Variants in KLHL24 observed in about 807,000 individuals in gnomAD.
The protein encoded by KLHL24 is kelch like family member 24, also known as kelch-like protein 24.
In KLHL24, 29 loss-of-function variants were observed where a neutral mutation model predicts 53.4. That is an observed-to-expected ratio of 0.54 (90% CI 0.40 to 0.74). The LOEUF (loss-of-function observed/expected upper bound fraction) is 0.74, where lower values mean the gene tolerates loss of function less well. Ranked by LOEUF, KLHL24 falls within the 30% of genes least tolerant of loss-of-function variation. KLHL24 has a pLI of 0.00. For missense variants in KLHL24, 504 were observed against 744.0 expected (o/e 0.68, Z 3.75); for synonymous variants, 222 against 253.7 (o/e 0.88, Z 1.19).
chr3:183,672,441 T>C lies in KLHL24; in HGVS notation c.1559T>C (p.Val520Ala), dbSNP rs776755763. The C allele has an allele frequency of 1.2e-6, 2 of 1,612,938 alleles. No individual in the cohort carries two copies. Among genetic ancestry groups the C allele is most frequent in the South Asian group, 1.1e-5 (1 of 90,910 alleles). The change falls in exon 7 of 8, where the codon GTT (valine) becomes GCT (alanine). Residue 520 changes from valine to alanine, a missense_variant. By Grantham distance (64) the Val-to-Ala change is moderately conservative. Coordinates refer to ENST00000242810, the MANE Select transcript of KLHL24 (RefSeq NM_017644.3). ...AAGGCAATATACTGTTACGATCCAGTTGAAGATTACTGGATGCACGTACAG... is the reference window on the plus strand; with the variant it reads ...AAGGCAATATACTGTTACGATCCAGCTGAAGATTACTGGATGCACGTACAG... ...LTKAIYCYDPVEDYWMHVQNT... is the reference protein window; with the variant it reads ...LTKAIYCYDPAEDYWMHVQNT...
intron 3 of KLHL24, among the ~76,000 whole-genome samples, chr3:183,654,085 A>C (rs1226767494): frequency 6.6e-6 from 1 of 152,020 alleles, no homozygotes; most frequent in Non-Finnish European, 1.5e-5. Context: ...ACTCCTCTCA[A>C]TCAGGTCATC....
chr3:183,668,313 A>G (rs1026826595), intron 5 of KLHL24, among the ~76,000 whole-genome samples: 1 of 152,066 alleles, frequency 6.6e-6, no homozygotes. Context: ...AAAACCATGT[A>G]TGTATTGGTA....
At chr3:183,652,433 G>GT (rs973013010) in intron 3 of KLHL24, among the ~76,000 whole-genome samples, 2 of 150,512 alleles carry the variant, frequency 1.3e-5, no homozygotes, top group Non-Finnish European at 3.0e-5. Flanking sequence ...GTTGGTGTTG[G>GT]TTTTTTTTTA....
chr3:183,666,770 G>A (rs989918570), intron 5 of KLHL24, among the ~76,000 whole-genome samples: 4 of 152,082 alleles, frequency 2.6e-5, no homozygotes, highest in Non-Finnish European at 5.9e-5. Context: ...CTTTTAAAAA[G>A]TCATATCTAA....
At chr3:183,644,702 A>G (rs940179637) in intron 2 of KLHL24, among the ~76,000 whole-genome samples, 2 of 152,376 alleles carry the variant, frequency 1.3e-5, no homozygotes, top group South Asian at 4.1e-4. Context: ...ACAGACCCTT[A>G]ATTGATACAA....
In KLHL24 at chr3:183,650,815, T is replaced by C; in HGVS notation, c.459T>C (p.Asp153=). 4.3e-6 allele frequency: 7 copies of C among 1,614,124 alleles called. No homozygotes were observed. The highest frequency in any genetic ancestry group is 5.9e-6 in the Non-Finnish European group (7 of 1,180,014). ...TCTTTCAGATTAGTGTTCTCCGTGA[T>C]GCATGTGCCAAGTTCTTGGAGGAGC... is the stretch of plus-strand genomic sequence containing the variant. ...SSLFQISVLR[D]ACAKFLEEQL... The change falls in exon 3 of 8, where the codon GAT becomes GAC. Residue 153 remains aspartate, a synonymous_variant. Coordinates refer to ENST00000242810, the MANE Select transcript of KLHL24 (RefSeq NM_017644.3). This position sits in a 1 kb window ranked among gnomAD's most constrained non-coding sequence, Gnocchi z 4.5.
chr3:183,684,415 T>A lies in KLHL24; in HGVS notation c.*5129T>A, dbSNP rs979406545. 27 of 152,800 alleles carry A rather than the reference T, an allele frequency of 1.8e-4. No homozygotes were observed. The highest frequency in any genetic ancestry group is 7.2e-4 in the Admixed American group (11 of 15,298). The allele number at this position is 152,800 out of a possible 1,614,324, so 9.5% of individuals were successfully genotyped here. On this transcript the variant is annotated 3_prime_UTR_variant, in exon 8 of 8. Transcript: ENST00000242810. Reference sequence around the variant, plus strand: ...TACTTACTTACATGTTTTGTTTAAATATACTTCTTGCATAGTTTAATTTTT... The same window carrying A: ...TACTTACTTACATGTTTTGTTTAAAAATACTTCTTGCATAGTTTAATTTTT...
At chr3:183,639,568 T>G (rs1199364370) in intron 1 of KLHL24, among the ~76,000 whole-genome samples, 2 of 142,644 alleles carry the variant, frequency 1.4e-5, no homozygotes, top group Non-Finnish European at 3.0e-5. Flanking sequence ...AGGCGGAGCT[T>G]GCAGTGAGCC....
rs373758943 is a variant in KLHL24 at position 183,683,424 on chromosome 3, T to C, written c.*4138T>C. ...AGGTTTACATCACCTCACCCCATTA[T>C]TCTTTTTAGTTAAATAAATTTACCA... On this transcript the variant is annotated 3_prime_UTR_variant, in exon 8 of 8. Transcript: ENST00000242810. 12 of 152,648 alleles carry C rather than the reference T, an allele frequency of 7.9e-5. No individual in the cohort carries two copies. The highest frequency in any genetic ancestry group is 7.9e-4 in the Admixed American group (12 of 15,282). The allele number at this position is 152,648 out of a possible 1,614,324, so 9.5% of individuals were successfully genotyped here.
chr3:183,675,936 GA>G (rs952721526), intron 7 of KLHL24, among the ~76,000 whole-genome samples: 3 of 151,944 alleles, frequency 2.0e-5, no homozygotes, highest in African/African-American at 2.4e-5. Context: ...ATAAAACTGA[GA>G]AAAAAATTAA....
chr3:183,653,626 C>T (rs544437744), intron 3 of KLHL24, among the ~76,000 whole-genome samples: 38 of 152,206 alleles, frequency 2.5e-4, no homozygotes, highest in Admixed American at 5.9e-4. Flanking sequence ...AAAACAGGAA[C>T]GTATAAAACC....
Position 183,682,107 on chromosome 3 carries a change from A to G in KLHL24, c.*2821A>G, listed in dbSNP as rs1389819991. 6.6e-6 allele frequency: 1 copy of G among 152,140 alleles called. No individual in the cohort carries two copies. The highest frequency in any genetic ancestry group is 6.6e-5 in the Admixed American group (1 of 15,262). 9.4% of individuals were successfully genotyped at this position (152,140 alleles called of 1,614,324 possible). A position where few individuals can be genotyped will look rare whatever the true frequency, so the allele number is the denominator to read the frequency against. ...AAGTACATGATGAGTATTAGTAACG[A>G]TGACTTATGTATAATCAGAATCTTT... is the stretch of plus-strand genomic sequence containing the variant. On this transcript the variant is annotated 3_prime_UTR_variant, in exon 8 of 8. Transcript: ENST00000242810.
rs764018147 is a variant in KLHL24 at position 183,639,653 on chromosome 3, AT to A, written c.-124-3826del. 8.5e-4 allele frequency among the ~76,000 whole-genome samples: 59 copies of A among 69,378 alleles called. 3 individuals carry two copies. Among genetic ancestry groups the A allele is most frequent in the African/African-American group, 3.9e-3 (41 of 10,572 alleles). The allele number at this position is 69,378 out of a possible 152,430, so 45.5% of individuals were successfully genotyped here. ...TCAAAAAAAAAAAAAAAAAAAAAAA[AT>A]CTCAAATTTGTTCAGGTGGCAGAGC... On this transcript the variant is annotated intron_variant, in intron 1 of 7. Transcript: ENST00000242810.
At chr3:183,672,997 AAAAT>A (rs1033413815) in intron 7 of KLHL24, 7 of 152,144 alleles carry the variant, frequency 4.6e-5, no homozygotes, top group South Asian at 2.1e-4. Flanking sequence ...CTCCGTCTCA[AAAAT>A]AAATAAATAA....
At chr3:183,660,569 TC>T (rs1289208070) in intron 3 of KLHL24, among the ~76,000 whole-genome samples, 5 of 152,182 alleles carry the variant, frequency 3.3e-5, no homozygotes, top group Non-Finnish European at 5.9e-5. Flanking sequence ...AAGATGAGCA[TC>T]TTTGGTGGCT....
intron 4 of KLHL24, 142 bp from the exon 5 acceptor site, chr3:183,664,779 T>C: frequency 6.1e-6 from 3 of 490,622 alleles, no homozygotes; most frequent in Non-Finnish European, 1.1e-5. Flanking sequence ...AAGAGGTCTT[T>C]ATTTATTGAG....
chr3:183,646,563 A>G (rs1382281643), intron 2 of KLHL24, among the ~76,000 whole-genome samples: 5 of 152,190 alleles, frequency 3.3e-5, no homozygotes, highest in African/African-American at 1.2e-4. Context: ...GCAAGCATTT[A>G]GGTGTCCTTC....
intron 7 of KLHL24, among the ~76,000 whole-genome samples, chr3:183,676,910 G>GTT (rs57502556): frequency 1.8e-4 from 25 of 139,532 alleles, no homozygotes; most frequent in Middle Eastern, 3.8e-3. Context: ...GGGTTTTTTG[G>GTT]TTTTTTTTTT....
chr3:183,638,875 C>A (rs1440125948), intron 1 of KLHL24, among the ~76,000 whole-genome samples: 2 of 152,218 alleles, frequency 1.3e-5, no homozygotes, highest in Non-Finnish European at 2.9e-5. Flanking sequence ...CAACATTTGG[C>A]ACATCTTAAA....
Sources: gnomAD v4.1 joint callset for allele counts (sites outside exome capture counted in the v4.1 genomes callset) on GRCh38, gnomAD v4.1.1 for gene constraint, Gnocchi (gnomAD v3.1) non-coding constraint, MANE v1.5 for transcripts, NCBI Gene and HGNC (gene_info 2026-07-23, HGNC 2026-07-21) for gene names.